Variants in RBFOX1 observed in about 807,000 individuals in gnomAD.
The protein encoded by RBFOX1 is RNA binding protein fox-1 homolog 1.
RBFOX1 carries 8 observed loss-of-function variants against 57.7 expected under a neutral mutation model. The ratio of observed to expected loss-of-function variants is 0.14; its 90% CI spans 0.08 to 0.25. The LOEUF (loss-of-function observed/expected upper bound fraction) is 0.25. Ranked by LOEUF, RBFOX1 falls within the 10% of genes least tolerant of loss-of-function variation. The pLI, the probability that RBFOX1 is intolerant of heterozygous loss-of-function variation, is 1.00. For missense variants in RBFOX1, 611 were observed against 548.5 expected (o/e 1.11, Z -1.14); for synonymous variants, 326 against 222.4 (o/e 1.47, Z -4.15).
chr16:6,194,427 G>C (rs532802867), intron 1 of RBFOX1, among the ~76,000 whole-genome samples: 1 of 152,234 alleles, frequency 6.6e-6, no homozygotes, highest in Middle Eastern at 3.4e-3. Flanking sequence ...ACCAAGCTTA[G>C]TAACGTGACT....
chr16:7,705,421 C>G (rs914959317), intron 14 of RBFOX1, among the ~76,000 whole-genome samples: 1 of 152,142 alleles, frequency 6.6e-6, no homozygotes, highest in Non-Finnish European at 1.5e-5. Flanking sequence ...AGGAGAATGG[C>G]ATGAACTTGA....
At position 7,158,029 on chromosome 16, in the gene RBFOX1, G is replaced by A. The variant is rs559595320; in HGVS notation, c.27+105931G>A. 2.0e-5 allele frequency among the ~76,000 whole-genome samples: 3 copies of A among 152,224 alleles called. No individual in the cohort carries two copies. The East Asian group carries it at 5.8e-4, about 29-fold the overall frequency. ...AAAATTCTATGTAGCTTTTACTCAG[G>A]TTTATCCAATAGTAACATCTTGAAA... On this transcript the variant is annotated intron_variant, in intron 4 of 15. Transcript: ENST00000550418.
chr16:7,450,718 G>C (rs891875308), intron 4 of RBFOX1, among the ~76,000 whole-genome samples: 2 of 152,150 alleles, frequency 1.3e-5, no homozygotes, highest in Non-Finnish European at 1.5e-5. Flanking sequence ...GCCAGGCATG[G>C]ATGCTAATGG....
chr16:6,331,118 C>T (rs925324669), intron 2 of RBFOX1, among the ~76,000 whole-genome samples: 1 of 152,102 alleles, frequency 6.6e-6, no homozygotes, highest in Non-Finnish European at 1.5e-5. Context: ...TTGAAGAAGG[C>T]TTGAAGAGGA....
At chr16:6,063,658 G>A (rs2095718801) in intron 1 of RBFOX1, among the ~76,000 whole-genome samples, 1 of 152,106 alleles carries the variant, frequency 6.6e-6, no homozygotes, top group Non-Finnish European at 1.5e-5. Flanking sequence ...TTTATTTTCA[G>A]GCGGTTGTAT....
intron 1 of RBFOX1, among the ~76,000 whole-genome samples, chr16:5,451,877 C>T (rs1431697493): frequency 2.0e-5 from 3 of 152,108 alleles, no homozygotes; most frequent in African/African-American, 7.2e-5. Context: ...CAGCTGCCCA[C>T]GATGTGTTCT....
At chr16:7,440,965 C>T (rs2098761386) in intron 4 of RBFOX1, among the ~76,000 whole-genome samples, 1 of 152,088 alleles carries the variant, frequency 6.6e-6, no homozygotes, top group Non-Finnish European at 1.5e-5. Context: ...GTTAAGCCCG[C>T]CCAGAGTTTG....
At chr16:5,869,289 T>G (rs1294434072) in intron 4 of RBFOX1, among the ~76,000 whole-genome samples, 1 of 152,164 alleles carries the variant, frequency 6.6e-6, no homozygotes, top group Non-Finnish European at 1.5e-5. Context: ...TCCTATGATC[T>G]TCCATCTTTC....
At chr16:6,498,910 C>T (rs140839427) in intron 2 of RBFOX1, among the ~76,000 whole-genome samples, 2 of 152,158 alleles carry the variant, frequency 1.3e-5, no homozygotes, top group African/African-American at 4.8e-5. Flanking sequence ...CTTCTATAGG[C>T]TTATACGGCA....
chr16:5,311,068 A>T (rs2064074283), intron 1 of RBFOX1, among the ~76,000 whole-genome samples: 1 of 152,110 alleles, frequency 6.6e-6, no homozygotes, highest in Admixed American at 6.5e-5. Context: ...CTTAGATTCC[A>T]CTTGTAAGTG....
chr16:5,959,780 C>T (rs1330025995), intron 4 of RBFOX1, among the ~76,000 whole-genome samples: 1 of 152,158 alleles, frequency 6.6e-6, no homozygotes, highest in Non-Finnish European at 1.5e-5. Flanking sequence ...CCACTGAACT[C>T]CAGCCTGGCT....
chr16:7,251,509 C>G (rs970140586), intron 4 of RBFOX1, among the ~76,000 whole-genome samples: 9 of 149,090 alleles, frequency 6.0e-5, no homozygotes, highest in African/African-American at 2.0e-4. Flanking sequence ...CTCGTGGGTT[C>G]AAGTGATTTT....
chr16:5,274,389 C>T (rs965689709), intron 1 of RBFOX1, among the ~76,000 whole-genome samples: 6 of 152,174 alleles, frequency 3.9e-5, no homozygotes, highest in South Asian at 4.2e-4. Context: ...ATTAGCCAGG[C>T]GTGGTCGTGG....
chr16:6,794,472 C>A (rs1036592221), intron 3 of RBFOX1, among the ~76,000 whole-genome samples: 1 of 151,824 alleles, frequency 6.6e-6, no homozygotes, highest in Admixed American at 6.6e-5. Context: ...AGAGAAGTTT[C>A]CTTTGTGATT....
intron 4 of RBFOX1, among the ~76,000 whole-genome samples, chr16:7,317,684 G>A (rs745919850): frequency 2.5e-4 from 38 of 152,198 alleles, no homozygotes; most frequent in Admixed American, 3.3e-4. Flanking sequence ...AGCCACAGGA[G>A]TACAGGAGTG....
chr16:6,329,038 T>TC (rs997058471), intron 2 of RBFOX1, among the ~76,000 whole-genome samples: 1 of 152,076 alleles, frequency 6.6e-6, no homozygotes, highest in Admixed American at 6.5e-5. Flanking sequence ...GGTAAACCAA[T>TC]CCCCCCGACT....
intron 3 of RBFOX1, among the ~76,000 whole-genome samples, chr16:6,986,521 G>T (rs144494618): frequency 1.3e-5 from 2 of 152,064 alleles, no homozygotes; most frequent in East Asian, 1.9e-4. Flanking sequence ...TGAACTCATG[G>T]GCTCAACTGA....
chr16:7,533,825 CT>C (rs1266615813), intron 5 of RBFOX1, among the ~76,000 whole-genome samples: 2 of 152,178 alleles, frequency 1.3e-5, no homozygotes, highest in Non-Finnish European at 2.9e-5. Flanking sequence ...TTAGTAAATA[CT>C]ACATTCTTCT....
chr16:6,905,144 A>G (rs2069512593), intron 3 of RBFOX1, among the ~76,000 whole-genome samples: 1 of 152,262 alleles, frequency 6.6e-6, no homozygotes, highest in African/African-American at 2.4e-5. Context: ...AGCATTTTAC[A>G]GTTGGTCAGG....
Sources: gnomAD v4.1 joint callset for allele counts (sites outside exome capture counted in the v4.1 genomes callset) on GRCh38, gnomAD v4.1.1 for gene constraint, MANE v1.5 for transcripts, NCBI Gene and HGNC (gene_info 2026-07-23, HGNC 2026-07-21) for gene names.